Variants in RSU1 observed in about 807,000 individuals in gnomAD.
RSU1 encodes the protein rsu-1.
A neutral mutation model predicts 31.1 loss-of-function variants in RSU1; 26 were observed. The observed-to-expected ratio is 0.84, with a 90% CI of 0.61 to 1.16. RSU1 has a LOEUF of 1.16. Ranked by LOEUF, RSU1 falls within the 50% of genes most tolerant of loss-of-function variation. RSU1 has a pLI of 0.00. For synonymous variants in RSU1, 164 were observed against 136.3 expected (o/e 1.20, Z -1.41); for missense variants, 320 against 339.1 (o/e 0.94, Z 0.44).
chr10:16,681,444 T>A (rs1835326117), intron 8 of RSU1, among the ~76,000 whole-genome samples: 1 of 152,210 alleles, frequency 6.6e-6, no homozygotes. Context: ...GGTAATTTTA[T>A]CTTGGATCCA....
chr10:16,730,311 G>C (rs921348704), intron 7 of RSU1, among the ~76,000 whole-genome samples: 2 of 152,128 alleles, frequency 1.3e-5, no homozygotes, highest in African/African-American at 2.4e-5. Context: ...ATTTGGAGGG[G>C]ACAAACATCC....
chr10:16,694,795 T>C (rs1835639317), intron 8 of RSU1, among the ~76,000 whole-genome samples: 1 of 152,080 alleles, frequency 6.6e-6, no homozygotes, highest in Non-Finnish European at 1.5e-5. Flanking sequence ...CAGGCTGGTC[T>C]CAAACTCCTG....
At chr10:16,624,858 C>T (rs1588680468) in intron 8 of RSU1, among the ~76,000 whole-genome samples, 1 of 152,086 alleles carries the variant, frequency 6.6e-6, no homozygotes, top group African/African-American at 2.4e-5. Flanking sequence ...GACTGACTCC[C>T]GTCACAGGTT....
intron 8 of RSU1, among the ~76,000 whole-genome samples, chr10:16,637,789 C>T (rs573605161): frequency 1.3e-4 from 20 of 150,872 alleles, no homozygotes; most frequent in African/African-American, 3.4e-4. Flanking sequence ...CGCTGACTAA[C>T]GGCAATTTTC....
At chr10:16,637,200 C>T (rs1239670923) in intron 8 of RSU1, among the ~76,000 whole-genome samples, 3 of 152,164 alleles carry the variant, frequency 2.0e-5, no homozygotes, top group Non-Finnish European at 4.4e-5. Context: ...TCAATCTTGC[C>T]CCCACATGAA....
intron 8 of RSU1, among the ~76,000 whole-genome samples, chr10:16,627,762 C>CAAAAA (rs74962434): frequency 1.5e-3 from 104 of 67,160 alleles, no homozygotes; most frequent in African/African-American, 2.0e-3. Flanking sequence ...CATCTCAATA[C>CAAAAA]AAAAAAAAAA....
chr10:16,724,797 G>A (rs1485532626), intron 7 of RSU1, among the ~76,000 whole-genome samples: 2 of 152,200 alleles, frequency 1.3e-5, no homozygotes, highest in South Asian at 2.1e-4. Flanking sequence ...TAGCTCAAAC[G>A]AGAACTAGGG....
At chr10:16,605,020 G>C (rs1427810120) in intron 8 of RSU1, among the ~76,000 whole-genome samples, 1 of 152,226 alleles carries the variant, frequency 6.6e-6, no homozygotes, top group Non-Finnish European at 1.5e-5. Flanking sequence ...CAAAGCAGGA[G>C]TGAGGGACGG....
chr10:16,700,744 C>G (rs546233206), intron 7 of RSU1, among the ~76,000 whole-genome samples: 1 of 152,114 alleles, frequency 6.6e-6, no homozygotes, highest in South Asian at 2.1e-4. Context: ...TAGACAGTGT[C>G]GGCAGTAACT....
At chr10:16,788,040 T>C (rs1183927189) in intron 2 of RSU1, among the ~76,000 whole-genome samples, 1 of 152,234 alleles carries the variant, frequency 6.6e-6, no homozygotes. Context: ...CAGATTTTTC[T>C]GTCCACCAGA....
chr10:16,756,545 C>T (rs983284663), intron 4 of RSU1, among the ~76,000 whole-genome samples: 1 of 152,196 alleles, frequency 6.6e-6, no homozygotes. Context: ...ACAGTAAATG[C>T]ACTTTCTTTT....
At chr10:16,718,052 A>T (rs1443679314) in intron 7 of RSU1, among the ~76,000 whole-genome samples, 2 of 151,734 alleles carry the variant, frequency 1.3e-5, no homozygotes, top group African/African-American at 4.8e-5. Flanking sequence ...CAACAAACAC[A>T]AAGTCATTTT....
At chr10:16,798,442 T>C (rs1838084987) in intron 2 of RSU1, among the ~76,000 whole-genome samples, 1 of 152,054 alleles carries the variant, frequency 6.6e-6, no homozygotes, top group Non-Finnish European at 1.5e-5. Flanking sequence ...ATGGGGGTGG[T>C]TTCCCCCATA....
chr10:16,745,112 C>G (rs1172300304), intron 7 of RSU1, among the ~76,000 whole-genome samples: 1 of 152,170 alleles, frequency 6.6e-6, no homozygotes, highest in Non-Finnish European at 1.5e-5. Flanking sequence ...TCTGCTTAGA[C>G]TGTTTCAGAA....
At chr10:16,772,641 G>GAAAAAAAAAAAAAAAAAAAA (rs60460081) in intron 3 of RSU1, among the ~76,000 whole-genome samples, 47 of 64,758 alleles carry the variant, frequency 7.3e-4, no homozygotes, top group African/African-American at 2.5e-3. Flanking sequence ...AGTAGAATAT[G>GAAAAAAAAAAAAAAAAAAAA]AAAAAAAAAA....
intron 3 of RSU1, among the ~76,000 whole-genome samples, chr10:16,779,381 G>C (rs985458982): frequency 6.6e-6 from 1 of 152,100 alleles, no homozygotes; most frequent in Non-Finnish European, 1.5e-5. Context: ...TACTGCCCTG[G>C]GTAGACATGT....
intron 2 of RSU1, 24 bp from the exon 3 acceptor site, chr10:16,782,108 AG>A: frequency 1.3e-6 from 2 of 1,578,526 alleles, no homozygotes; most frequent in South Asian, 1.1e-5. Flanking sequence ...AAAAAAAAAA[AG>A]GTCAGTCAGT....
intron 2 of RSU1, among the ~76,000 whole-genome samples, chr10:16,786,694 C>A (rs1837799102): frequency 6.6e-6 from 1 of 152,130 alleles, no homozygotes; most frequent in Non-Finnish European, 1.5e-5. Context: ...CAATACATCT[C>A]AGGGCTCATT....
intron 8 of RSU1, among the ~76,000 whole-genome samples, chr10:16,635,932 C>T (rs1397283121): frequency 6.6e-6 from 1 of 152,170 alleles, no homozygotes; most frequent in East Asian, 1.9e-4. Flanking sequence ...AAGCGAACAA[C>T]GTTTATCTTC....
Sources: allele counts gnomAD v4.1 joint callset (sites outside exome capture counted in the v4.1 genomes callset), GRCh38; gene constraint gnomAD v4.1.1; transcripts MANE v1.5; gene names NCBI Gene and HGNC (gene_info 2026-07-23, HGNC 2026-07-21).